Variants in UTRN observed in about 807,000 individuals in gnomAD.
The protein encoded by UTRN is utrophin, also known as dystrophin-related protein 1.
In UTRN, 283 loss-of-function variants were observed where a neutral mutation model predicts 463.9. That is an observed-to-expected ratio of 0.61 (90% CI 0.55 to 0.67). The LOEUF (loss-of-function observed/expected upper bound fraction) is 0.67, where lower values mean the gene tolerates loss of function less well. Among genes scored for constraint, UTRN ranks in the 30% least tolerant of loss-of-function variants. The probability of loss-of-function intolerance (pLI) is 0.00; values close to 1 mark genes in which losing one functional copy is unlikely to be tolerated. For missense variants in UTRN, 3,922 were observed against 4,084.3 expected (o/e 0.96, Z 1.08); for synonymous variants, 1,442 against 1,431.5 (o/e 1.01, Z -0.17).
At chr6:144,513,781 G>C in intron 35 of UTRN, 128 bp from the exon 36 acceptor site, 1 of 996,584 alleles carries the variant, frequency 1.0e-6, no homozygotes, top group Non-Finnish European at 1.4e-6. Flanking sequence ...GAGCTCTGCA[G>C]GAAGGTGAAA....
intron 51 of UTRN, among the ~76,000 whole-genome samples, chr6:144,650,111 A>G (rs920613161): frequency 1.3e-5 from 2 of 152,222 alleles, no homozygotes; most frequent in Admixed American, 1.3e-4. Context: ...ACATGGTGGC[A>G]GGCAAGAGAG....
chr6:144,571,585 G>A (rs1315426826), intron 50 of UTRN, among the ~76,000 whole-genome samples: 1 of 151,962 alleles, frequency 6.6e-6, no homozygotes, highest in Non-Finnish European at 1.5e-5. Flanking sequence ...AGTTGCTTAG[G>A]GATGCTACTG....
chr6:144,808,582 TC>T (rs1778347370), intron 65 of UTRN, among the ~76,000 whole-genome samples: 1 of 152,098 alleles, frequency 6.6e-6, no homozygotes, highest in Non-Finnish European at 1.5e-5. Context: ...AAGTGTATTA[TC>T]TGTAGCCACA....
intron 2 of UTRN, among the ~76,000 whole-genome samples, chr6:144,384,753 G>C (rs930336323): frequency 5.9e-5 from 9 of 152,056 alleles, no homozygotes; most frequent in Non-Finnish European, 1.2e-4. Flanking sequence ...TCTCTTCAAG[G>C]CTGGTTATTA....
chr6:144,660,406 T>A (rs375001431), intron 51 of UTRN: 1 of 378,914 alleles, frequency 2.6e-6, no homozygotes, highest in Non-Finnish European at 5.3e-6. Context: ...ATATTCAATT[T>A]TGCTGTCTCC....
chr6:144,329,037 G>A (rs528389884), intron 2 of UTRN, among the ~76,000 whole-genome samples: 6 of 151,176 alleles, frequency 4.0e-5, no homozygotes, highest in Non-Finnish European at 5.9e-5. Flanking sequence ...CCCCTGCCTC[G>A]GCCTGCAAAA....
In UTRN at chr6:144,537,669, G is replaced by A; in HGVS notation, c.6321G>A (p.Met2107Ile). The A allele has an allele frequency of 6.2e-7, 1 of 1,611,984 alleles. No individual in the cohort carries two copies. Among genetic ancestry groups the A allele is most frequent in the East Asian group, 2.2e-5 (1 of 44,624 alleles). The part of the protein sequence containing the change: ...ICWLTKAEHA[M>I]QKRSTTELGE... ...GGTTAACAAAGGCTGAGCATGCTAT[G>A]CAAAAGAGATCAACCACCGAATTGG... Residue 2107 changes from methionine (M) to isoleucine (I), a missense_variant, in exon 44 of 75, where the codon ATG becomes ATA. This residue lies in a region of UTRN where 2,349 missense variants were observed against 2,303.8 expected (regional missense o/e 1.02). Coordinates refer to ENST00000367545, the MANE Select transcript of UTRN (RefSeq NM_007124.3).
intron 15 of UTRN, 56 bp from the exon 16 acceptor site, chr6:144,447,546 A>G (rs1035269869): frequency 1.9e-6 from 3 of 1,586,954 alleles, no homozygotes; most frequent in Non-Finnish European, 1.7e-6. Flanking sequence ...TGGCTGGGGA[A>G]CAGAAAGACA....
At chr6:144,764,068 T>G (rs1485487358) in intron 58 of UTRN, among the ~76,000 whole-genome samples, 2 of 152,200 alleles carry the variant, frequency 1.3e-5, no homozygotes, top group African/African-American at 4.8e-5. Context: ...GTCTTTCTAG[T>G]AGTCTGTGAC....
intron 19 of UTRN, among the ~76,000 whole-genome samples, chr6:144,458,414 T>G (rs147749005): frequency 5.4e-4 from 82 of 152,288 alleles, no homozygotes; most frequent in Non-Finnish European, 8.4e-4. Context: ...AAGTCGGGCC[T>G]AGACAGATCA....
At position 144,554,946 on chromosome 6, in the gene UTRN, T is replaced by C. The variant is rs1417328889; in HGVS notation, c.7134+53T>C. ...GTATTGTTTTGTTGGATATACTTTT[T>C]TTCTATTGTTCACTGTAATTCTTAA... On this transcript the variant is annotated intron_variant, in intron 49 of 74. Transcript: ENST00000367545. The C allele has an allele frequency of 7.0e-6, 11 of 1,579,072 alleles. No individual in the cohort carries two copies. The Middle Eastern group carries it at 5.2e-4, about 75-fold the overall frequency.
At chr6:144,522,602 T>C (rs1796203353) in intron 40 of UTRN, among the ~76,000 whole-genome samples, 1 of 152,218 alleles carries the variant, frequency 6.6e-6, no homozygotes, top group East Asian at 1.9e-4. Context: ...TCATGTAACT[T>C]GATTGCATTT....
At chr6:144,570,969 T>G (rs1247828251) in intron 50 of UTRN, among the ~76,000 whole-genome samples, 1 of 152,216 alleles carries the variant, frequency 6.6e-6, no homozygotes, top group African/African-American at 2.4e-5. Context: ...TGTAATGATC[T>G]CTTTTTACAT....
intron 2 of UTRN, among the ~76,000 whole-genome samples, chr6:144,299,661 C>T (rs1042694637): frequency 6.6e-5 from 10 of 152,192 alleles, no homozygotes; most frequent in African/African-American, 2.2e-4. Flanking sequence ...TGTAACATCA[C>T]ATCTTGAACT....
intron 72 of UTRN, 61 bp from the exon 73 acceptor site, chr6:144,840,679 T>C: frequency 1.3e-6 from 2 of 1,584,204 alleles, no homozygotes; most frequent in South Asian, 2.3e-5. Context: ...AATTTGGGTT[T>C]TAGTGGAAGG....
intron 51 of UTRN, among the ~76,000 whole-genome samples, chr6:144,662,238 C>G (rs1397841843): frequency 6.6e-6 from 1 of 152,130 alleles, no homozygotes; most frequent in East Asian, 1.9e-4. Flanking sequence ...CTTACAAAAT[C>G]TGTCTCATAT....
chr6:144,334,688 A>C (rs1776593030), intron 2 of UTRN, among the ~76,000 whole-genome samples: 2 of 152,154 alleles, frequency 1.3e-5, no homozygotes, highest in Admixed American at 6.5e-5. Context: ...TACTTTCATA[A>C]ACATAACTTT....
chr6:144,572,558 C>T (rs1246649702), intron 50 of UTRN, among the ~76,000 whole-genome samples: 2 of 152,002 alleles, frequency 1.3e-5, no homozygotes, highest in African/African-American at 4.8e-5. Context: ...GCCCCCCACC[C>T]CCTGACAGGC....
At chr6:144,449,490 G>A (rs1788036854) in intron 17 of UTRN, among the ~76,000 whole-genome samples, 3 of 152,268 alleles carry the variant, frequency 2.0e-5, no homozygotes, top group Admixed American at 2.0e-4. Context: ...GAGAGCAGAT[G>A]CTGACTGAGT....
Sources: gnomAD v4.1 joint callset for allele counts (sites outside exome capture counted in the v4.1 genomes callset) on GRCh38, gnomAD v4.1.1 for gene constraint, gnomAD v4.1.1 regional missense constraint, MANE v1.5 for transcripts, NCBI Gene and HGNC (gene_info 2026-07-23, HGNC 2026-07-21) for gene names.